The following TCF7L2 variants were observed in gnomAD, a reference collection of about 807,000 sequenced individuals.
The protein encoded by TCF7L2 is transcription factor 7 like 2, also known as transcription factor 7-like 2.
Under a neutral mutation model 77.9 loss-of-function variants are expected in TCF7L2, and 23 were observed. The ratio of observed to expected loss-of-function variants is 0.30; its 90% CI spans 0.21 to 0.42. TCF7L2 has a LOEUF of 0.42. Ranked by LOEUF, TCF7L2 falls within the 10% of genes least tolerant of loss-of-function variation. The probability of loss-of-function intolerance (pLI) is 1.00; values close to 1 mark genes in which losing one functional copy is unlikely to be tolerated. For synonymous variants in TCF7L2, 413 were observed against 340.2 expected (o/e 1.21, Z -2.36); for missense variants, 654 against 793.1 (o/e 0.82, Z 2.11).
chr10:112,959,783 A>G (rs1225685336), intron 3 of TCF7L2, among the ~76,000 whole-genome samples: 1 of 152,136 alleles, frequency 6.6e-6, no homozygotes, highest in East Asian at 1.9e-4. Flanking sequence ...GCAGTGGGGT[A>G]GGGGAAGCTG....
chr10:112,978,500 C>G (rs1212072927), intron 4 of TCF7L2, among the ~76,000 whole-genome samples: 1 of 150,246 alleles, frequency 6.7e-6, no homozygotes, highest in Non-Finnish European at 1.5e-5. Context: ...GAGTCTTGCT[C>G]TGTCACCCAG....
At chr10:112,960,273 G>T (rs911915128) in intron 3 of TCF7L2, among the ~76,000 whole-genome samples, 18 of 152,160 alleles carry the variant, frequency 1.2e-4, no homozygotes, top group African/African-American at 4.3e-4. Flanking sequence ...GTAGTGATTA[G>T]AAATAAGATG....
intron 5 of TCF7L2, among the ~76,000 whole-genome samples, chr10:113,064,276 T>C (rs1298684468): frequency 6.6e-6 from 1 of 152,102 alleles, no homozygotes; most frequent in Non-Finnish European, 1.5e-5. Context: ...CAGGCCCAAA[T>C]GGTGGCTGCA....
chr10:112,997,424 C>T (rs750881465), intron 4 of TCF7L2, among the ~76,000 whole-genome samples: 1 of 152,172 alleles, frequency 6.6e-6, no homozygotes, highest in Non-Finnish European at 1.5e-5. Context: ...CTGAGAAACA[C>T]CAGGCTGAAT....
intron 4 of TCF7L2, among the ~76,000 whole-genome samples, chr10:112,988,362 G>A (rs552505902): frequency 6.6e-6 from 1 of 152,206 alleles, no homozygotes; most frequent in African/African-American, 2.4e-5. Flanking sequence ...GCCTCCCAAA[G>A]TGCTGGGATT....
intron 8 of TCF7L2, among the ~76,000 whole-genome samples, chr10:113,149,733 A>T (rs1341935517): frequency 6.9e-6 from 1 of 145,174 alleles, no homozygotes; most frequent in Non-Finnish European, 1.6e-5. Context: ...TATTCCTTGG[A>T]TGGTACATTG....
chr10:113,067,721 T>C (rs991979755), intron 5 of TCF7L2, among the ~76,000 whole-genome samples: 11 of 152,184 alleles, frequency 7.2e-5, no homozygotes, highest in Admixed American at 4.6e-4. Flanking sequence ...AAACTTGCCA[T>C]GTGACCTTGA....
intron 5 of TCF7L2, among the ~76,000 whole-genome samples, chr10:113,059,089 C>T (rs1261683871): frequency 1.3e-5 from 2 of 152,012 alleles, no homozygotes; most frequent in African/African-American, 2.4e-5. Context: ...AGCTTTAGGG[C>T]CATAACTCAG....
At chr10:113,089,136 A>T (rs1426694960) in intron 5 of TCF7L2, among the ~76,000 whole-genome samples, 3 of 151,866 alleles carry the variant, frequency 2.0e-5, no homozygotes, top group Non-Finnish European at 2.9e-5. Context: ...CCATTAGGAG[A>T]ATGGTGGGTA....
chr10:113,097,920 T>G (rs961667856), intron 5 of TCF7L2, among the ~76,000 whole-genome samples: 1 of 149,914 alleles, frequency 6.7e-6, no homozygotes, highest in Non-Finnish European at 1.5e-5. Context: ...GGCGTGGTAG[T>G]GCGCTTGTAA....
intron 4 of TCF7L2, among the ~76,000 whole-genome samples, chr10:112,983,340 G>A (rs772695557): frequency 3.9e-5 from 6 of 151,958 alleles, no homozygotes; most frequent in Non-Finnish European, 5.9e-5. Flanking sequence ...GCATGGTGGT[G>A]GGCGCCTGTA....
At chr10:112,992,219 C>T (rs1201374308) in intron 4 of TCF7L2, among the ~76,000 whole-genome samples, 9 of 152,178 alleles carry the variant, frequency 5.9e-5, no homozygotes, top group South Asian at 2.1e-4. Flanking sequence ...CAGGACACCC[C>T]TTGCCAAGCG....
chr10:113,025,695 T>C lies in TCF7L2; in HGVS notation c.451-14330T>C, dbSNP rs2049026344. On this transcript the variant is annotated intron_variant, in intron 4 of 13. Transcript: ENST00000627217. The stretch of plus-strand genomic sequence containing the variant: ...CGCTCCTGGCCTGAAGCATTTTGGA[T>C]TTTTGGGTTAGAGTTGCACAGCCTT... Among the ~76,000 whole-genome samples the C allele has an allele frequency of 2.0e-5, 3 of 151,872 alleles. No individual in the cohort carries two copies. The South Asian group carries it at 6.2e-4, about 32-fold the overall frequency.
intron 5 of TCF7L2, among the ~76,000 whole-genome samples, chr10:113,050,485 C>T (rs2054233557): frequency 6.6e-6 from 1 of 152,092 alleles, no homozygotes; most frequent in Non-Finnish European, 1.5e-5. Context: ...TCCCCCTAGC[C>T]CTTTCAGATT....
intron 5 of TCF7L2, among the ~76,000 whole-genome samples, chr10:113,119,983 C>T (rs1022794493): frequency 2.6e-5 from 4 of 152,186 alleles, no homozygotes; most frequent in Admixed American, 6.5e-5. Flanking sequence ...GATCAGTTAG[C>T]GCTTCTTCTT....
chr10:113,024,616 C>CTTTTTTT (rs377705347), intron 4 of TCF7L2, among the ~76,000 whole-genome samples: 6 of 124,800 alleles, frequency 4.8e-5, no homozygotes, highest in Non-Finnish European at 1.0e-4. Flanking sequence ...TATATAAACC[C>CTTTTTTT]TTTTTTTTTT....
At chr10:113,057,736 CTG>C (rs1233895974) in intron 5 of TCF7L2, among the ~76,000 whole-genome samples, 1 of 152,134 alleles carries the variant, frequency 6.6e-6, no homozygotes. Flanking sequence ...GATGAAGAGA[CTG>C]AGGCTCAGAG....
intron 5 of TCF7L2, among the ~76,000 whole-genome samples, chr10:113,079,075 C>T (rs960704300): frequency 1.1e-4 from 16 of 152,120 alleles, no homozygotes; most frequent in East Asian, 1.9e-4. Flanking sequence ...CTTAAGTGAT[C>T]CACCCATCCT....
intron 5 of TCF7L2, among the ~76,000 whole-genome samples, chr10:113,065,382 G>C (rs965073379): frequency 6.6e-6 from 1 of 152,240 alleles, no homozygotes; most frequent in Non-Finnish European, 1.5e-5. Flanking sequence ...CTTTGTTCCA[G>C]CTACCCATGG....
Sources: allele counts gnomAD v4.1 joint callset (sites outside exome capture counted in the v4.1 genomes callset), GRCh38; gene constraint gnomAD v4.1.1; transcripts MANE v1.5; gene names NCBI Gene and HGNC (gene_info 2026-07-23, HGNC 2026-07-21).